GLIPR1: variants seen among roughly 807,000 people sequenced by gnomAD.
GLIPR1 encodes GLI pathogenesis related 1.
A neutral mutation model predicts 30.3 loss-of-function variants in GLIPR1; 38 were observed. The observed-to-expected ratio is 1.26, with a 90% confidence interval of 0.97 to 1.65. The LOEUF is 1.65. Among genes scored for constraint, GLIPR1 ranks in the 40% most tolerant of loss-of-function variants. GLIPR1 has a pLI of 0.00. For synonymous variants in GLIPR1, 122 were observed against 110.6 expected, an observed-to-expected ratio of 1.10 and a Z score of -0.65; for missense variants, 285 against 326.5, an observed-to-expected ratio of 0.87 and a Z score of 0.98.
At chr12:75,488,244 C>T (rs982802796) in intron 2 of GLIPR1, among the ~76,000 whole-genome samples, 7 of 152,114 alleles carry the variant, frequency 4.6e-5, no homozygotes, top group Admixed American at 1.3e-4. Context: ...CTATTCGAGA[C>T]GGAGTTGTTA....
Position 75,499,567 on chromosome 12 carries a change from A to T in GLIPR1, c.*589A>T, listed in dbSNP as rs1210302993. The T allele has an allele frequency of 1.2e-5, 3 of 242,370 alleles. No homozygotes were observed. Among genetic ancestry groups the T allele is most frequent in the African/African-American group, 2.3e-5 (1 of 44,256 alleles). 15.0% of individuals were successfully genotyped at this position (242,370 alleles called of 1,614,324 possible). A position where few individuals can be genotyped will look rare whatever the true frequency, so the allele number is the denominator to read the frequency against. ...ACTAACCAATAGCATCAGACACTGG[A>T]TTTAATGGATAATCACAATGGTCGT... On this transcript the variant is annotated 3_prime_UTR_variant, in exon 6 of 6. Transcript: ENST00000266659.
chr12:75,493,519 T>C (rs1458419742), intron 3 of GLIPR1: 1 of 152,140 alleles, frequency 6.6e-6, no homozygotes, highest in Non-Finnish European at 1.5e-5. Context: ...CAGAGTGGAT[T>C]AGTGGAGGAG....
At chr12:75,493,034 G>A (rs1327428054) in intron 3 of GLIPR1, 3 of 152,144 alleles carry the variant, frequency 2.0e-5, no homozygotes, top group African/African-American at 4.8e-5. Flanking sequence ...CAAAACTTCC[G>A]TGAAGAAAAG....
At chr12:75,496,940 T>A (rs1332762277) in intron 4 of GLIPR1, 1 of 152,200 alleles carries the variant, frequency 6.6e-6, no homozygotes, top group East Asian at 1.9e-4. Flanking sequence ...CTTATATCAC[T>A]CTTGTGAAGA....
rs1286300268 is a variant in GLIPR1, at chr12:75,499,919, T to C, written c.*941T>C. 2 of 1,606,602 alleles carry C rather than the reference T, an allele frequency of 1.2e-6. No individual in the cohort carries two copies. The highest frequency in any genetic ancestry group is 2.2e-5 in the South Asian group (2 of 89,498). Reference sequence around the variant, plus strand: ...TTTGCTTTCTTAACCTTTTCCTTGATGCTGGCCACATCAATTTTAGTTTCA... The same window carrying C: ...TTTGCTTTCTTAACCTTTTCCTTGACGCTGGCCACATCAATTTTAGTTTCA... On this transcript the variant is annotated 3_prime_UTR_variant, in exon 6 of 6. Coordinates refer to ENST00000266659, the MANE Select transcript of GLIPR1 (RefSeq NM_006851.3).
chr12:75,489,007 T>C (rs2046307390), intron 2 of GLIPR1, among the ~76,000 whole-genome samples: 1 of 152,250 alleles, frequency 6.6e-6, no homozygotes, highest in Non-Finnish European at 1.5e-5. Context: ...ATTTAAAATG[T>C]AATTTGGTAC....
chr12:75,490,746 A>T (rs7973388), intron 3 of GLIPR1: 135,457 of 385,462 alleles, frequency 0.35, 25,605 homozygotes, highest in East Asian at 0.44. Context: ...GTGTGTGTAC[A>T]TCCTTTATAT....
Position 75,502,478 on chromosome 12 carries a change from T to G in GLIPR1, c.*3500T>G, listed in dbSNP as rs763200172. 1 of 153,880 alleles carries G rather than the reference T, an allele frequency of 6.5e-6. No individual in the cohort carries two copies. Among genetic ancestry groups the G allele is most frequent in the Non-Finnish European group, 1.4e-5 (1 of 69,010 alleles). 9.5% of individuals were successfully genotyped at this position (153,880 alleles called of 1,614,324 possible). On this transcript the variant is annotated 3_prime_UTR_variant, in exon 6 of 6. Coordinates refer to ENST00000266659, the MANE Select transcript of GLIPR1 (RefSeq NM_006851.3). ...GCCAGAACTATCAGGAATTGGTGAC[T>G]AATTAGCAAAAGCAACAGCTTGTTC...
In GLIPR1 at chr12:75,490,615, A is replaced by G. The variant is rs551285765; in HGVS notation, c.533+97A>G. 1.3e-4 allele frequency: 73 copies of G among 581,982 alleles called. No individual in the cohort carries two copies. In the African/African-American group the frequency reaches 1.4e-3, roughly 11 times the overall value. The allele number at this position is 581,982 out of a possible 1,614,324, so 36.1% of individuals were successfully genotyped here. On this transcript the variant is annotated intron_variant, in intron 3 of 5. Transcript: ENST00000266659. ...AAACATTTTAGCAGTATTCCTCTTC[A>G]TTATAGAAAATCTGGATAAAGTATA...
chr12:75,484,139 A>C (rs937862881), intron 2 of GLIPR1: 1 of 152,202 alleles, frequency 6.6e-6, no homozygotes, highest in African/African-American at 2.4e-5. Flanking sequence ...AGTCCCATAC[A>C]TACAGATATT....
At position 75,501,623 on chromosome 12, in the gene GLIPR1, G is replaced by A; in HGVS notation, c.*2645G>A. On this transcript the variant is annotated 3_prime_UTR_variant, in exon 6 of 6. Coordinates refer to ENST00000266659, the MANE Select transcript of GLIPR1 (RefSeq NM_006851.3). Reference sequence around the variant, plus strand: ...TAATTAATGAAATGCTAAGAGAACTGATGAAAAGATACAACTGTTTCTTAA... The same window carrying A: ...TAATTAATGAAATGCTAAGAGAACTAATGAAAAGATACAACTGTTTCTTAA... 2.7e-6 allele frequency: 2 copies of A among 744,174 alleles called. No individual in the cohort carries two copies. Among genetic ancestry groups the A allele is most frequent in the Non-Finnish European group, 4.5e-6 (2 of 448,630 alleles). The allele number at this position is 744,174 out of a possible 1,614,324, so 46.1% of individuals were successfully genotyped here.
rs1463494879 is a variant in GLIPR1 at position 75,503,479 on chromosome 12, T to C, written c.*4501T>C. The C allele has an allele frequency of 1.3e-5, 2 of 151,398 alleles. No homozygotes were observed. The highest frequency in any genetic ancestry group is 4.9e-5 in the African/African-American group (2 of 40,494). 9.4% of individuals were successfully genotyped at this position (151,398 alleles called of 1,614,324 possible). On this transcript the variant is annotated 3_prime_UTR_variant, in exon 6 of 6. Transcript: ENST00000266659. ...AAACTGGTCATGGTGGGAAAGGAAA[T>C]GAAGCAGAAGACACCTGACAAAAGG...
At position 75,495,576 on chromosome 12, in the gene GLIPR1, G is replaced by T. The variant is rs769877918; in HGVS notation, c.534-1G>T. On this transcript the variant is annotated splice_acceptor_variant, in intron 3 of 5. Coordinates refer to ENST00000266659, the MANE Select transcript of GLIPR1 (RefSeq NM_006851.3). LOFTEE classifies it high-confidence loss of function. ...ATGGACATCCTTCTTCTGCTTTACA[G>T]AGGGAATTACCCAACTTGGCCATAT... The T allele has an allele frequency of 6.3e-7, 1 of 1,578,790 alleles. No homozygotes were observed. The highest frequency in any genetic ancestry group is 2.2e-5 in the East Asian group (1 of 44,688).
chr12:75,482,788 G>A (rs1364886573), intron 2 of GLIPR1, among the ~76,000 whole-genome samples: 4 of 151,256 alleles, frequency 2.6e-5, no homozygotes, highest in Non-Finnish European at 5.9e-5. Flanking sequence ...GCAGCATGAT[G>A]GAAACAACTC....
Position 75,500,478 on chromosome 12 carries a change from TGAATA to T in GLIPR1, c.*1501_*1505del, listed in dbSNP as rs1269357411. ...TTCCAAATATTAATTCAATATTAAT[TGAATA>T]TTCAATGAATTAATTCATTTAATGT... On this transcript the variant is annotated 3_prime_UTR_variant, in exon 6 of 6. Coordinates refer to ENST00000266659, the MANE Select transcript of GLIPR1 (RefSeq NM_006851.3). 8.7e-6 allele frequency: 1 copy of T among 115,274 alleles called. No individual in the cohort carries two copies. The highest frequency in any genetic ancestry group is 3.0e-4 in the South Asian group (1 of 3,296). 7.1% of individuals were successfully genotyped at this position (115,274 alleles called of 1,614,324 possible).
rs948756849 is a variant in GLIPR1, at chr12:75,497,946, C to T, written c.620-748C>T. 5 of 151,970 alleles carry T rather than the reference C, an allele frequency of 3.3e-5. No homozygotes were observed. In the East Asian group the frequency reaches 9.7e-4, roughly 29 times the overall value. 9.4% of individuals were successfully genotyped at this position (151,970 alleles called of 1,614,324 possible). ...CTCTTGATTTCATCGACATAACTGC[C>T]AAGAAAAGTGAGGGTAGCATATTTA... On this transcript the variant is annotated intron_variant, in intron 4 of 5. Transcript: ENST00000266659.
rs2046381623 is a variant in GLIPR1 at position 75,500,152 on chromosome 12, A to G, written c.*1174A>G. 2.5e-6 allele frequency: 1 copy of G among 396,682 alleles called. No individual in the cohort carries two copies. The highest frequency in any genetic ancestry group is 4.6e-5 in the Admixed American group (1 of 21,960). The allele number at this position is 396,682 out of a possible 1,614,324, so 24.6% of individuals were successfully genotyped here. A position where few individuals can be genotyped will look rare whatever the true frequency, so the allele number is the denominator to read the frequency against. On this transcript the variant is annotated 3_prime_UTR_variant, in exon 6 of 6. Transcript: ENST00000266659. ...TAGAAATTTCTTCAGATTAAGATAA[A>G]ACAAATCATAAAATACTTTATATAT...
chr12:75,499,698 C>CAA lies in GLIPR1; in HGVS notation c.*732_*733dup, dbSNP rs35207358. ...CTCTTCTATGAACAACCACCACCACCAAAAAAAAAAAAAGCCCTCAGAAAA... is the reference window on the plus strand; with the variant it reads ...CTCTTCTATGAACAACCACCACCACCAAAAAAAAAAAAAAAGCCCTCAGAAAA... On this transcript the variant is annotated 3_prime_UTR_variant, in exon 6 of 6. Transcript: ENST00000266659. The CAA allele has an allele frequency of 2.4e-4, 137 of 563,592 alleles. No homozygotes were observed. Among genetic ancestry groups the CAA allele is most frequent in the East Asian group, 5.2e-4 (15 of 28,844 alleles). 34.9% of individuals were successfully genotyped at this position (563,592 alleles called of 1,614,324 possible).
intron 3 of GLIPR1, chr12:75,490,733 T>C (rs1425559702): frequency 6.4e-6 from 3 of 472,016 alleles, no homozygotes; most frequent in Non-Finnish European, 1.1e-5. Context: ...AGAGGGTGTG[T>C]GTGTGTGTGT....
Sources: allele counts gnomAD v4.1 joint callset (sites outside exome capture counted in the v4.1 genomes callset), GRCh38; gene constraint gnomAD v4.1.1; transcripts MANE v1.5; gene names NCBI Gene and HGNC (gene_info 2026-07-23, HGNC 2026-07-21).